GAS2: variants seen among roughly 807,000 people sequenced by gnomAD.
GAS2 encodes growth arrest specific 2.
A neutral mutation model predicts 37.5 loss-of-function variants in GAS2; 20 were observed. The observed-to-expected ratio is 0.53, with a 90% CI of 0.37 to 0.77. The LOEUF (loss-of-function observed/expected upper bound fraction) is 0.77. GAS2 is among the 30% of genes least tolerant of loss of function. The pLI, the probability that GAS2 is intolerant of heterozygous loss-of-function variation, is 0.00. For synonymous variants in GAS2, 144 were observed against 132.2 expected, an observed-to-expected ratio of 1.09 and a Z score of -0.61; for missense variants, 336 against 373.4, an observed-to-expected ratio of 0.90 and a Z score of 0.82.
intron 3 of GAS2, among the ~76,000 whole-genome samples, chr11:22,718,342 A>G (rs2134122762): frequency 6.6e-6 from 1 of 152,140 alleles, no homozygotes; most frequent in East Asian, 1.9e-4. Flanking sequence ...CATAAAATGG[A>G]ATGAAATAAT....
At chr11:22,640,289 T>C (rs375868728) in intron 1 of GAS2, among the ~76,000 whole-genome samples, 6 of 152,186 alleles carry the variant, frequency 3.9e-5, no homozygotes, top group South Asian at 2.1e-4. Flanking sequence ...GATGTAACAA[T>C]GTATGTATAT....
chr11:22,641,808 T>C (rs1452800997), intron 1 of GAS2, among the ~76,000 whole-genome samples: 2 of 152,148 alleles, frequency 1.3e-5, no homozygotes, highest in African/African-American at 4.8e-5. Flanking sequence ...CAGTGTGTTT[T>C]CAAAAAATGA....
chr11:22,782,734 A>G (rs2134501573), intron 7 of GAS2, among the ~76,000 whole-genome samples: 1 of 149,082 alleles, frequency 6.7e-6, no homozygotes, highest in South Asian at 2.1e-4. Context: ...CTGCAAAAAA[A>G]AAAAAAATAA....
chr11:22,656,179 A>ATGTCTCTTTTAATTCT (rs2133839829), intron 1 of GAS2, among the ~76,000 whole-genome samples: 1 of 152,320 alleles, frequency 6.6e-6, no homozygotes, highest in East Asian at 1.9e-4. Flanking sequence ...CTAGTTGCTG[A>ATGTCTCTTTTAATTCT]TGTCTCTTTT....
intron 4 of GAS2, among the ~76,000 whole-genome samples, chr11:22,727,003 C>T (rs529473530): frequency 3.3e-5 from 5 of 152,204 alleles, no homozygotes; most frequent in African/African-American, 1.2e-4. Flanking sequence ...GTGCCTACAC[C>T]TACTGAGATA....
chr11:22,799,976 T>C (rs1332399658), intron 7 of GAS2, among the ~76,000 whole-genome samples: 1 of 152,098 alleles, frequency 6.6e-6, no homozygotes, highest in African/African-American at 2.4e-5. Context: ...AACAATTCTC[T>C]GCATGTATAA....
In GAS2 at chr11:22,660,480, C is replaced by G. The variant is rs77110345; in HGVS notation, c.-20-14370C>G. Among the ~76,000 whole-genome samples, 1,483 of 152,252 alleles carry G rather than the reference C, an allele frequency of 9.7e-3. 33 individuals are homozygous for G. Among genetic ancestry groups the G allele is most frequent in the African/African-American group, 0.034 (1,414 of 41,546 alleles). Reference sequence around the variant, plus strand: ...TACATGTATTAACTTATATAACTCTCAAGACATGCCTATGAGAGAGTGGTA... The same window carrying G: ...TACATGTATTAACTTATATAACTCTGAAGACATGCCTATGAGAGAGTGGTA... On this transcript the variant is annotated intron_variant, in intron 1 of 5. Coordinates refer to the GAS2 transcript ENST00000528582.
intron 1 of GAS2, among the ~76,000 whole-genome samples, chr11:22,657,848 T>G (rs746696500): frequency 4.6e-5 from 7 of 152,106 alleles, no homozygotes; most frequent in Non-Finnish European, 1.0e-4. Context: ...GAATTTAAAT[T>G]TACTTCACAA....
chr11:22,726,368 A>G lies in GAS2; in HGVS notation c.344A>G (p.Asn115Ser). 6.2e-7 allele frequency: 1 copy of G among 1,612,918 alleles called. No individual in the cohort carries two copies. The highest frequency in any genetic ancestry group is 2.2e-5 in the East Asian group (1 of 44,824). The change falls in exon 4 of 8, where the codon AAT (asparagine) becomes AGT (serine). Residue 115 changes from asparagine (N) to serine (S), a missense_variant. Asn to Ser is a conservative substitution (Grantham distance 46). Coordinates refer to ENST00000454584, the MANE Select transcript of GAS2 (RefSeq NM_001143830.3). Reference protein sequence around the residue: ...GSFFARDNTANFLSWCRDLGV... With the variant: ...GSFFARDNTASFLSWCRDLGV... The stretch of plus-strand genomic sequence containing the variant: ...TTTTTTGCCAGAGACAATACAGCAA[A>G]TTTCTTATCCTGGTGCCGAGATTTA...
chr11:22,755,039 G>A (rs1853951118), intron 6 of GAS2, among the ~76,000 whole-genome samples: 1 of 152,050 alleles, frequency 6.6e-6, no homozygotes, highest in Non-Finnish European at 1.5e-5. Flanking sequence ...TTCCCCATCA[G>A]GGAAAACATA....
intron 4 of GAS2, among the ~76,000 whole-genome samples, chr11:22,728,539 A>T (rs943563184): frequency 6.6e-6 from 1 of 151,114 alleles, no homozygotes; most frequent in Non-Finnish European, 1.5e-5. Context: ...TATATATATT[A>T]TATATATAAT....
At chr11:22,648,419 T>C (rs1268293511) in intron 1 of GAS2, among the ~76,000 whole-genome samples, 2 of 152,196 alleles carry the variant, frequency 1.3e-5, no homozygotes, top group South Asian at 2.1e-4. Flanking sequence ...TCTTTTTTGG[T>C]TCCATATGAA....
intron 7 of GAS2, among the ~76,000 whole-genome samples, chr11:22,795,487 G>A (rs542698207): frequency 6.6e-6 from 1 of 152,236 alleles, no homozygotes; most frequent in East Asian, 1.9e-4. Context: ...ATTAGCAAGG[G>A]CATGAAGGAG....
intron 7 of GAS2, among the ~76,000 whole-genome samples, chr11:22,777,137 T>C (rs1337515017): frequency 6.6e-6 from 1 of 152,172 alleles, no homozygotes; most frequent in East Asian, 1.9e-4. Context: ...CTCTCTAAGA[T>C]TTGTAAGACG....
intron 3 of GAS2, among the ~76,000 whole-genome samples, chr11:22,687,319 C>A (rs936699570): frequency 2.0e-5 from 3 of 152,028 alleles, no homozygotes; most frequent in Admixed American, 6.6e-5. Context: ...GGAATGAGAC[C>A]ATTTCTCAAA....
chr11:22,778,477 G>A (rs1855379215), intron 7 of GAS2, among the ~76,000 whole-genome samples: 1 of 152,222 alleles, frequency 6.6e-6, no homozygotes, highest in Admixed American at 6.5e-5. Flanking sequence ...GGGTTCAGGA[G>A]GGGTTACTTT....
intron 3 of GAS2, among the ~76,000 whole-genome samples, chr11:22,718,912 T>C (rs538437310): frequency 9.6e-4 from 146 of 152,182 alleles, no homozygotes; most frequent in Non-Finnish European, 1.3e-3. Flanking sequence ...GCACACAGTA[T>C]ATAAAAATGG....
In GAS2 at chr11:22,639,605, A is replaced by C. The variant is rs115248342; in HGVS notation, c.-21+13792A>C. ...TTGTAATGGATAGAAGACTTTATGC[A>C]TGTAAAATCTGATGATTAGGTTTTC... is the stretch of plus-strand genomic sequence containing the variant. On this transcript the variant is annotated intron_variant, in intron 1 of 5. Transcript: ENST00000528582. Among the ~76,000 whole-genome samples the C allele has an allele frequency of 7.2e-3, 1,093 of 152,292 alleles. 11 individuals carry two copies. The highest frequency in any genetic ancestry group is 0.025 in the African/African-American group (1,032 of 41,570).
chr11:22,643,370 ACTT>A (rs1381008601), intron 1 of GAS2, among the ~76,000 whole-genome samples: 1 of 151,912 alleles, frequency 6.6e-6, no homozygotes, highest in African/African-American at 2.4e-5. Context: ...TTCAGAAACT[ACTT>A]AAGTACTTGA....
Sources: gnomAD v4.1 joint callset for allele counts (sites outside exome capture counted in the v4.1 genomes callset) on GRCh38, gnomAD v4.1.1 for gene constraint, MANE v1.5 for transcripts, NCBI Gene and HGNC (gene_info 2026-07-23, HGNC 2026-07-21) for gene names.